MAS1: variants seen among roughly 807,000 people sequenced by gnomAD.
MAS1 encodes the protein MAS1 proto-oncogene, G protein-coupled receptor, also known as proto-oncogene Mas.
For synonymous variants in MAS1, 163 were observed against 164.2 expected (o/e 0.99, Z 0.05); for missense variants, 387 against 409.7 (o/e 0.94, Z 0.48).
chr6:159,912,385 A>G lies in MAS1; in HGVS notation c.*4452A>G, dbSNP rs1426241548. ...TCTGGAAAGGAAAACACATCAAGCC[A>G]TACATACTTTTTCCTGTGCTTTTTC... On this transcript the variant is annotated 3_prime_UTR_variant, in exon 3 of 3. Coordinates refer to ENST00000674077, the MANE Select transcript of MAS1 (RefSeq NM_002377.4). The G allele has an allele frequency of 6.6e-6, 1 of 152,234 alleles. No individual in the cohort carries two copies. Among genetic ancestry groups the G allele is most frequent in the Non-Finnish European group, 1.5e-5 (1 of 68,042 alleles). The allele number at this position is 152,234 out of a possible 1,614,324, so 9.4% of individuals were successfully genotyped here.
chr6:159,904,576 C>T (rs973223828), intron 2 of MAS1, among the ~76,000 whole-genome samples: 2 of 152,224 alleles, frequency 1.3e-5, no homozygotes, highest in Non-Finnish European at 2.9e-5. Flanking sequence ...TGTGTCTAGG[C>T]CAGTGCCTTC....
rs1047114490 is a variant in MAS1, at chr6:159,912,728, A to G, written c.*4795A>G. 1 of 152,224 alleles carries G rather than the reference A, an allele frequency of 6.6e-6. No homozygotes were observed. Among genetic ancestry groups the G allele is most frequent in the Admixed American group, 6.5e-5 (1 of 15,288 alleles). The allele number at this position is 152,224 out of a possible 1,614,324, so 9.4% of individuals were successfully genotyped here. A position where few individuals can be genotyped will look rare whatever the true frequency, so the allele number is the denominator to read the frequency against. ...TGCCTCATCTACAGTTTTGTGGATC[A>G]GTCTTGTGATGCCTGAGAGTCAATG... On this transcript the variant is annotated 3_prime_UTR_variant, in exon 3 of 3. Coordinates refer to ENST00000674077, the MANE Select transcript of MAS1 (RefSeq NM_002377.4).
intron 1 of MAS1, among the ~76,000 whole-genome samples, chr6:159,891,530 A>G (rs1372520001): frequency 2.0e-5 from 3 of 152,216 alleles, no homozygotes; most frequent in East Asian, 3.9e-4. Flanking sequence ...TTGAGGTTTG[A>G]AAGAGTTGTT....
intron 1 of MAS1, among the ~76,000 whole-genome samples, chr6:159,893,322 TG>T (rs891855194): frequency 1.3e-5 from 2 of 152,014 alleles, no homozygotes; most frequent in African/African-American, 4.8e-5. Flanking sequence ...GATATCTGCA[TG>T]GGGGGTACAG....
rs1255499320 is a variant in MAS1 at position 159,902,624 on chromosome 6, T to C, written c.-37+3232T>C. 5.3e-5 allele frequency: 8 copies of C among 152,364 alleles called. No homozygotes were observed. The East Asian group carries it at 1.5e-3, about 29-fold the overall frequency. The allele number at this position is 152,364 out of a possible 1,614,324, so 9.4% of individuals were successfully genotyped here. On this transcript the variant is annotated intron_variant, in intron 2 of 2. Coordinates refer to ENST00000674077, the MANE Select transcript of MAS1 (RefSeq NM_002377.4). ...TCACTTGCACAGGTGGCCCACGTTGTGTTTCTGTTGGACGGCGCTGGTCCA... is the reference window on the plus strand; with the variant it reads ...TCACTTGCACAGGTGGCCCACGTTGCGTTTCTGTTGGACGGCGCTGGTCCA...
chr6:159,912,342 C>T lies in MAS1; in HGVS notation c.*4409C>T, dbSNP rs888529220. 1 of 152,182 alleles carries T rather than the reference C, an allele frequency of 6.6e-6. No homozygotes were observed. The highest frequency in any genetic ancestry group is 1.5e-5 in the Non-Finnish European group (1 of 68,046). The allele number at this position is 152,182 out of a possible 1,614,324, so 9.4% of individuals were successfully genotyped here. ...AATTTGTCTTTTTACTCAACCTCTT[C>T]TTAAATTAGGAATCACTTCTGGAAA... On this transcript the variant is annotated 3_prime_UTR_variant, in exon 3 of 3. Transcript: ENST00000674077.
intron 2 of MAS1, chr6:159,902,425 C>T (rs376273590): frequency 2.0e-5 from 3 of 152,056 alleles, no homozygotes; most frequent in South Asian, 2.1e-4. Flanking sequence ...GTGAAGTACC[C>T]GCTGCATCTG....
rs1277314750 is a variant in MAS1, at chr6:159,908,231, A to G, written c.*298A>G. The G allele has an allele frequency of 2.3e-5, 5 of 219,072 alleles. No individual in the cohort carries two copies. The allele number at this position is 219,072 out of a possible 1,614,324, so 13.6% of individuals were successfully genotyped here. A position where few individuals can be genotyped will look rare whatever the true frequency, so the allele number is the denominator to read the frequency against. On this transcript the variant is annotated 3_prime_UTR_variant, in exon 3 of 3. Transcript: ENST00000674077. ...CAGATGTGTACGGGACAAGGTAACAAAACTATTTGTTGGAACTTGAGGAGG... is the reference window on the plus strand; with the variant it reads ...CAGATGTGTACGGGACAAGGTAACAGAACTATTTGTTGGAACTTGAGGAGG...
chr6:159,889,579 C>T (rs1782675189), upstream of MAS1, among the ~76,000 whole-genome samples: 2 of 152,202 alleles, frequency 1.3e-5, no homozygotes, highest in Non-Finnish European at 1.5e-5. Context: ...CACCCGTGCT[C>T]CTTCTTTTCT....
chr6:159,889,615 C>T (rs1782675508), upstream of MAS1, among the ~76,000 whole-genome samples: 1 of 152,166 alleles, frequency 6.6e-6, no homozygotes, highest in African/African-American at 2.4e-5. Flanking sequence ...TTAGATGGTG[C>T]CTGTTTCCTT....
intron 2 of MAS1, among the ~76,000 whole-genome samples, chr6:159,905,175 G>A (rs1324344664): frequency 6.6e-6 from 1 of 152,234 alleles, no homozygotes; most frequent in Non-Finnish European, 1.5e-5. Context: ...CCGGCACTTT[G>A]TTTTATTTAC....
rs1011332505 is a variant in MAS1, at chr6:159,916,723, C to T, written c.*8790C>T. On this transcript the variant is annotated 3_prime_UTR_variant, in exon 3 of 3. Transcript: ENST00000674077. The stretch of plus-strand genomic sequence containing the variant: ...GGCCAATTCAACAACCCACCTCAAA[C>T]CTGTATTTGCAAGTGAGTGCAGACT... Among the ~76,000 whole-genome samples, 2 of 151,996 alleles carry T rather than the reference C, an allele frequency of 1.3e-5. No homozygotes were observed. The highest frequency in any genetic ancestry group is 6.5e-5 in the Admixed American group (1 of 15,280).
rs537726992 is a variant in MAS1 at position 159,910,922 on chromosome 6, T to C, written c.*2989T>C. The stretch of plus-strand genomic sequence containing the variant: ...AATCTGATGGGCTGTTTTCTACCTA[T>C]GCCTTTTGTGGCATTTAATACCCAC... On this transcript the variant is annotated 3_prime_UTR_variant, in exon 3 of 3. Transcript: ENST00000674077. 3.9e-5 allele frequency: 6 copies of C among 152,374 alleles called. No homozygotes were observed. The highest frequency in any genetic ancestry group is 1.2e-4 in the African/African-American group (5 of 41,580). The allele number at this position is 152,374 out of a possible 1,614,324, so 9.4% of individuals were successfully genotyped here. A position where few individuals can be genotyped will look rare whatever the true frequency, so the allele number is the denominator to read the frequency against.
At chr6:159,889,710 G>A (rs1046671405), upstream of MAS1, among the ~76,000 whole-genome samples, 3 of 152,204 alleles carry the variant, frequency 2.0e-5, no homozygotes, top group Admixed American at 2.0e-4. Flanking sequence ...ACCAGGTAAT[G>A]AGAACACCTT....
chr6:159,892,800 T>C (rs995642233), intron 1 of MAS1, among the ~76,000 whole-genome samples: 1 of 152,214 alleles, frequency 6.6e-6, no homozygotes, highest in Non-Finnish European at 1.5e-5. Flanking sequence ...TTTTCCCTGC[T>C]TGTTGATTCA....
At chr6:159,899,982 G>T (rs1002220768) in intron 2 of MAS1, among the ~76,000 whole-genome samples, 7 of 152,124 alleles carry the variant, frequency 4.6e-5, no homozygotes, top group Non-Finnish European at 1.0e-4. Flanking sequence ...GGTGGGAGAG[G>T]TTGCAGTGAG....
Position 159,908,569 on chromosome 6 carries a change from T to C in MAS1, c.*636T>C, listed in dbSNP as rs1310432553. 2 of 151,494 alleles carry C rather than the reference T, an allele frequency of 1.3e-5. No homozygotes were observed. The highest frequency in any genetic ancestry group is 2.9e-5 in the Non-Finnish European group (2 of 67,916). 9.4% of individuals were successfully genotyped at this position (151,494 alleles called of 1,614,324 possible). A position where few individuals can be genotyped will look rare whatever the true frequency, so the allele number is the denominator to read the frequency against. The stretch of plus-strand genomic sequence containing the variant: ...CAGCTCTATCATGTACAGAAGTTAT[T>C]ATGTGTTTTTACATGTTGAATGTAA... On this transcript the variant is annotated 3_prime_UTR_variant, in exon 3 of 3. Transcript: ENST00000674077.
chr6:159,908,773 G>A lies in MAS1; in HGVS notation c.*840G>A, dbSNP rs368701644. 6.6e-6 allele frequency: 1 copy of A among 151,998 alleles called. No homozygotes were observed. Among genetic ancestry groups the A allele is most frequent in the South Asian group, 2.1e-4 (1 of 4,820 alleles). 9.4% of individuals were successfully genotyped at this position (151,998 alleles called of 1,614,324 possible). On this transcript the variant is annotated 3_prime_UTR_variant, in exon 3 of 3. Transcript: ENST00000674077. ...GTTTCTCATGGCTCCCCTTCCCTCTGTGGGAATACTAGATGAAATGAAAGT... is the reference window on the plus strand; with the variant it reads ...GTTTCTCATGGCTCCCCTTCCCTCTATGGGAATACTAGATGAAATGAAAGT...
chr6:159,907,963 G>T lies in MAS1; in HGVS notation c.*30G>T. The T allele has an allele frequency of 1.3e-6, 2 of 1,550,040 alleles. No homozygotes were observed. The highest frequency in any genetic ancestry group is 1.2e-5 in the South Asian group (1 of 80,040). ...TGTGAGGGAAGTTGTGGATAAAAAT[G>T]GTGGAACACAGGTCATTTTTAGTTT... is the stretch of plus-strand genomic sequence containing the variant. On this transcript the variant is annotated 3_prime_UTR_variant, in exon 3 of 3. Coordinates refer to ENST00000674077, the MANE Select transcript of MAS1 (RefSeq NM_002377.4).
Sources: allele counts gnomAD v4.1 joint callset (sites outside exome capture counted in the v4.1 genomes callset), GRCh38; gene constraint gnomAD v4.1.1; transcripts MANE v1.5; gene names NCBI Gene and HGNC (gene_info 2026-07-23, HGNC 2026-07-21).